CHRDL1: variants seen among roughly 807,000 people sequenced by gnomAD.
CHRDL1 encodes chordin-like protein 1.
In CHRDL1, 19 loss-of-function variants were observed where a neutral mutation model predicts 40.9. The observed-to-expected ratio is 0.46, with a 90% CI of 0.32 to 0.68. The LOEUF (loss-of-function observed/expected upper bound fraction) is 0.68. Ranked by LOEUF, CHRDL1 falls within the 30% of genes least tolerant of loss-of-function variation. The pLI, the probability that CHRDL1 is intolerant of heterozygous loss-of-function variation, is 0.03. For synonymous variants in CHRDL1, 136 were observed against 123.4 expected (o/e 1.10, Z -0.68); for missense variants, 329 against 352.1 (o/e 0.93, Z 0.53).
intron 4 of CHRDL1, among the ~76,000 whole-genome samples, chrX:110,729,489 T>C (rs1311371500): frequency 9.0e-6 from 1 of 111,606 alleles, no homozygotes; most frequent in Non-Finnish European, 1.9e-5. Flanking sequence ...ATTGAGGTCA[T>C]GCTGGCAGGC....
At position 110,688,817 on chromosome X, in the gene CHRDL1, C is replaced by A. The variant is rs755485700; in HGVS notation, c.779-14G>T. On this transcript the variant is annotated splice_polypyrimidine_tract_variant and intron_variant, in intron 8 of 11. Transcript: ENST00000372042. ...TGGAAACACACACTGAAAGAGAATGCAGAATTAGCAATTAAAAGCTAAGGA... is the reference window on the plus strand; with the variant it reads ...TGGAAACACACACTGAAAGAGAATGAAGAATTAGCAATTAAAAGCTAAGGA... The A allele has an allele frequency of 2.2e-5, 26 of 1,159,364 alleles. No individual in the cohort carries two copies. Among genetic ancestry groups the A allele is most frequent in the Middle Eastern group, 2.9e-4 (1 of 3,423 alleles).
chrX:110,765,330 T>C (rs1469640193), intron 2 of CHRDL1, among the ~76,000 whole-genome samples: 1 of 112,326 alleles, frequency 8.9e-6, no homozygotes, highest in Non-Finnish European at 1.9e-5. Context: ...TTGACATTTA[T>C]GGAAAATAGA....
chrX:110,777,438 T>C (rs181757509), intron 2 of CHRDL1, among the ~76,000 whole-genome samples: 1 of 111,856 alleles, frequency 8.9e-6, no homozygotes, highest in Admixed American at 9.5e-5. Context: ...TCATCCAAAG[T>C]GGCTGTACCA....
chrX:110,762,707 G>A lies in CHRDL1; in HGVS notation c.195C>T (p.Cys65=). ...EPYGLVYCVN[C]ICSENGNVLC... ...TGAGAGATTGTACCTCTGAGCAGAT[G>A]CAGTTCACGCAGTAAACCAACCCAT... Residue 65 remains cysteine, a synonymous_variant, in exon 3 of 12, where the codon TGC becomes TGT. Coordinates refer to ENST00000372042, the MANE Select transcript of CHRDL1 (RefSeq NM_001143981.2). The A allele has an allele frequency of 8.9e-7, 1 of 1,126,062 alleles. No individual in the cohort carries two copies. Among genetic ancestry groups the A allele is most frequent in the Non-Finnish European group, 1.2e-6 (1 of 821,001 alleles). The allele number at this position is 1,126,062 out of a possible 1,213,427, so 92.8% of individuals were successfully genotyped here.
chrX:110,679,427 T>C lies in CHRDL1; in HGVS notation c.1157-2A>G. 1 of 1,180,481 alleles carries C rather than the reference T, an allele frequency of 8.5e-7. No homozygotes were observed. Among genetic ancestry groups the C allele is most frequent in the African/African-American group, 1.7e-5 (1 of 57,189 alleles). On this transcript the variant is annotated splice_acceptor_variant, in intron 10 of 11. Coordinates refer to ENST00000372042, the MANE Select transcript of CHRDL1 (RefSeq NM_001143981.2). LOFTEE classifies it high-confidence loss of function. ...CAATATGGAAGTGCTGGAGAATGCCTAGGGCCAAGCAAAAAGTGGAGCAAA... is the reference window on the plus strand; with the variant it reads ...CAATATGGAAGTGCTGGAGAATGCCCAGGGCCAAGCAAAAAGTGGAGCAAA...
chrX:110,688,891 A>G (rs757589566), intron 8 of CHRDL1, 88 bp from the exon 9 acceptor site: 4 of 664,163 alleles, frequency 6.0e-6, no homozygotes, highest in Non-Finnish European at 7.2e-6. Context: ...ACTACTTAAC[A>G]TATCAAGCAT....
chrX:110,784,543 C>A (rs1466817360), intron 2 of CHRDL1, among the ~76,000 whole-genome samples: 2 of 108,997 alleles, frequency 1.8e-5, no homozygotes, highest in Admixed American at 9.8e-5. Flanking sequence ...TCCCGAGTAG[C>A]TGAGATTACA....
At chrX:110,680,930 A>G (rs904904697) in intron 10 of CHRDL1, among the ~76,000 whole-genome samples, 12 of 111,905 alleles carry the variant, frequency 1.1e-4, no homozygotes, top group Non-Finnish European at 2.1e-4. Context: ...ATGATGTTTT[A>G]AATTTGTTTT....
intron 2 of CHRDL1, among the ~76,000 whole-genome samples, chrX:110,787,723 T>C (rs925701897): frequency 7.1e-5 from 8 of 112,267 alleles, no homozygotes; most frequent in African/African-American, 2.3e-4. Flanking sequence ...ATCTGAATAT[T>C]GGAAGCTTTT....
intron 2 of CHRDL1, among the ~76,000 whole-genome samples, chrX:110,770,403 A>G (rs1015473091): frequency 2.7e-5 from 3 of 111,385 alleles, no homozygotes; most frequent in Non-Finnish European, 5.7e-5. Flanking sequence ...TTAGGGATTC[A>G]GCTAAAAAAG....
chrX:110,726,276 G>C (rs1478366399), intron 4 of CHRDL1, among the ~76,000 whole-genome samples: 2 of 111,526 alleles, frequency 1.8e-5, no homozygotes, highest in Non-Finnish European at 3.8e-5. Context: ...TGGCTTTTAG[G>C]AGATGGGGCC....
intron 4 of CHRDL1, among the ~76,000 whole-genome samples, chrX:110,747,046 T>C (rs1207450289): frequency 3.6e-5 from 4 of 110,425 alleles, no homozygotes; most frequent in African/African-American, 1.3e-4. Flanking sequence ...TGGCCCCCCC[T>C]GCCTTCCTCC....
At chrX:110,772,546 C>T (rs903941917) in intron 2 of CHRDL1, among the ~76,000 whole-genome samples, 4 of 112,114 alleles carry the variant, frequency 3.6e-5, no homozygotes, top group African/African-American at 9.7e-5. Flanking sequence ...GGCTGAGGCA[C>T]GAGAATCGTT....
At chrX:110,733,349 G>A (rs1270182489) in intron 4 of CHRDL1, among the ~76,000 whole-genome samples, 1 of 110,999 alleles carries the variant, frequency 9.0e-6, no homozygotes, top group Non-Finnish European at 1.9e-5. Context: ...GCTAAAGAAT[G>A]CTCTACCTCT....
At position 110,676,158 on chromosome X, in the gene CHRDL1, A is replaced by G; in HGVS notation, c.*73T>C. ...GGAGTTTTAGGGCACTGTTGACTTA[A>G]GCAAAATAAGCCTGCAGTCCAGCTG... On this transcript the variant is annotated 3_prime_UTR_variant, in exon 12 of 12. Coordinates refer to ENST00000372042, the MANE Select transcript of CHRDL1 (RefSeq NM_001143981.2). 1.8e-6 allele frequency: 2 copies of G among 1,082,071 alleles called. No homozygotes were observed. The highest frequency in any genetic ancestry group is 1.8e-5 in the African/African-American group (1 of 54,426). The allele number at this position is 1,082,071 out of a possible 1,213,427, so 89.2% of individuals were successfully genotyped here.
At chrX:110,723,428 T>C (rs2071000083) in intron 4 of CHRDL1, among the ~76,000 whole-genome samples, 2 of 112,018 alleles carry the variant, frequency 1.8e-5, no homozygotes, top group Non-Finnish European at 3.8e-5. Flanking sequence ...TGCTTTTACA[T>C]ACATAATCTC....
chrX:110,724,090 C>A (rs1182168527), intron 4 of CHRDL1, among the ~76,000 whole-genome samples: 1 of 103,392 alleles, frequency 9.7e-6, no homozygotes, highest in Non-Finnish European at 2.1e-5. Flanking sequence ...CTAATTATTC[C>A]AAATCTCAGC....
chrX:110,700,094 T>C (rs967250523), intron 7 of CHRDL1, among the ~76,000 whole-genome samples: 2 of 112,306 alleles, frequency 1.8e-5, no homozygotes, highest in African/African-American at 6.5e-5. Flanking sequence ...AAGATGCTAT[T>C]ACTTACATAG....
chrX:110,758,875 G>T (rs569518556), intron 4 of CHRDL1, among the ~76,000 whole-genome samples: 1 of 112,072 alleles, frequency 8.9e-6, no homozygotes, highest in African/African-American at 3.2e-5. Flanking sequence ...AAAGGGAAAT[G>T]GAATCAACTT....
Sources: gnomAD v4.1 joint callset for allele counts (sites outside exome capture counted in the v4.1 genomes callset) on GRCh38, gnomAD v4.1.1 for gene constraint, MANE v1.5 for transcripts, NCBI Gene and HGNC (gene_info 2026-07-23, HGNC 2026-07-21) for gene names.